The following GNG12 variants were observed in gnomAD, a reference collection of about 807,000 sequenced individuals.
GNG12 encodes G protein subunit gamma 12, also known as guanine nucleotide-binding protein G(I)/G(S)/G(O) subunit gamma-12.
For missense variants in GNG12, 69 were observed against 83.8 expected (o/e 0.82, Z 0.69); for synonymous variants, 28 against 29.7 (o/e 0.94, Z 0.19).
intron 2 of GNG12, among the ~76,000 whole-genome samples, chr1:67,764,882 A>G (rs971820681): frequency 6.6e-6 from 1 of 152,224 alleles, no homozygotes; most frequent in African/African-American, 2.4e-5. Flanking sequence ...TCAAGTAGCA[A>G]GAACACAGAG....
intron 2 of GNG12, among the ~76,000 whole-genome samples, chr1:67,713,280 C>T (rs972270908): frequency 6.6e-6 from 1 of 152,236 alleles, no homozygotes; most frequent in Non-Finnish European, 1.5e-5. Context: ...CTGGCTATCA[C>T]TTCTGCAGCC....
At chr1:67,787,716 A>C (rs1009245231) in intron 1 of GNG12, among the ~76,000 whole-genome samples, 4 of 152,198 alleles carry the variant, frequency 2.6e-5, no homozygotes, top group African/African-American at 9.6e-5. Flanking sequence ...ACCCAACCCA[A>C]CAGAAAGGAA....
chr1:67,788,529 T>TA (rs1394922107), intron 1 of GNG12, among the ~76,000 whole-genome samples: 1 of 151,618 alleles, frequency 6.6e-6, no homozygotes, highest in Non-Finnish European at 1.5e-5. Flanking sequence ...TTTAAGGAGA[T>TA]AGTGTCTTGC....
rs1646503887 is a variant in GNG12 at position 67,745,738 on chromosome 1, G to A, written c.-27+31720C>T. ...AAGTATTTGTGGTTTCCAAGTCAGTGTAAAAATCTAAAAAATAAATAAATA... is the reference window on the plus strand; with the variant it reads ...AAGTATTTGTGGTTTCCAAGTCAGTATAAAAATCTAAAAAATAAATAAATA... On this transcript the variant is annotated intron_variant, in intron 2 of 3. Coordinates refer to ENST00000370982, the MANE Select transcript of GNG12 (RefSeq NM_018841.6). Among the ~76,000 whole-genome samples the A allele has an allele frequency of 2.0e-5, 3 of 152,136 alleles. No individual in the cohort carries two copies. The South Asian group carries it at 6.2e-4, about 32-fold the overall frequency.
chr1:67,775,025 T>C (rs1202074778), intron 2 of GNG12, among the ~76,000 whole-genome samples: 1 of 152,230 alleles, frequency 6.6e-6, no homozygotes, highest in African/African-American at 2.4e-5. Context: ...GTTGCTGTTA[T>C]TGTTAATCCC....
intron 1 of GNG12, among the ~76,000 whole-genome samples, chr1:67,780,102 C>T (rs1390870828): frequency 3.3e-5 from 5 of 152,172 alleles, no homozygotes; most frequent in East Asian, 1.9e-4. Flanking sequence ...TTTCATTATG[C>T]GCATATGACT....
chr1:67,827,053 G>C (rs1001207035), intron 1 of GNG12, among the ~76,000 whole-genome samples: 1 of 152,222 alleles, frequency 6.6e-6, no homozygotes, highest in Non-Finnish European at 1.5e-5. Flanking sequence ...AAGCCATTCT[G>C]AATCAAGACA....
chr1:67,800,751 T>C (rs535343570), intron 1 of GNG12, among the ~76,000 whole-genome samples: 6 of 152,296 alleles, frequency 3.9e-5, no homozygotes, highest in Admixed American at 6.5e-5. Context: ...AGCAGTTTTA[T>C]CCACCTCTGT....
intron 2 of GNG12, among the ~76,000 whole-genome samples, chr1:67,762,072 G>A (rs1185506424): frequency 6.6e-6 from 1 of 152,112 alleles, no homozygotes; most frequent in Non-Finnish European, 1.5e-5. Flanking sequence ...TAGATATGCT[G>A]CAATGTTTAG....
intron 1 of GNG12, among the ~76,000 whole-genome samples, chr1:67,805,710 A>G (rs1646891025): frequency 6.6e-6 from 1 of 152,138 alleles, no homozygotes. Flanking sequence ...CTAGAAAAAT[A>G]AGGACAGAAG....
intron 1 of GNG12, among the ~76,000 whole-genome samples, chr1:67,792,801 T>C (rs556683760): frequency 1.5e-4 from 23 of 152,304 alleles, no homozygotes; most frequent in African/African-American, 5.3e-4. Flanking sequence ...AGACAACTCC[T>C]TGGAAGAGAC....
intron 2 of GNG12, among the ~76,000 whole-genome samples, chr1:67,742,211 A>G (rs1646486596): frequency 6.6e-6 from 1 of 152,192 alleles, no homozygotes; most frequent in Non-Finnish European, 1.5e-5. Flanking sequence ...CATTCACAAA[A>G]AGACTCATCC....
At chr1:67,800,516 A>C (rs1291607751) in intron 1 of GNG12, among the ~76,000 whole-genome samples, 3 of 152,236 alleles carry the variant, frequency 2.0e-5, no homozygotes, top group East Asian at 1.9e-4. Context: ...TGGCAGGTTC[A>C]ACTTGCAATT....
intron 2 of GNG12, among the ~76,000 whole-genome samples, chr1:67,755,409 T>C (rs1646562314): frequency 1.3e-5 from 2 of 152,244 alleles, no homozygotes; most frequent in African/African-American, 4.8e-5. Flanking sequence ...TCTTGTTTCT[T>C]GTTTTAGACT....
chr1:67,733,964 T>C (rs7553290), intron 2 of GNG12, among the ~76,000 whole-genome samples: 3,628 of 152,232 alleles, frequency 0.024, 154 homozygotes, highest in African/African-American at 0.084. Context: ...GAGTGTGCAA[T>C]GCTTGAAGAT....
intron 1 of GNG12, among the ~76,000 whole-genome samples, chr1:67,812,657 A>T (rs1175764817): frequency 1.3e-5 from 2 of 152,240 alleles, no homozygotes; most frequent in African/African-American, 2.4e-5. Flanking sequence ...AGAATGAGGT[A>T]GGAGATAAGG....
intron 2 of GNG12, among the ~76,000 whole-genome samples, chr1:67,729,006 C>T (rs1646403528): frequency 6.6e-6 from 1 of 152,194 alleles, no homozygotes; most frequent in Admixed American, 6.5e-5. Context: ...TGCTGAAGAA[C>T]TCTTTGAACA....
chr1:67,704,770 C>T lies in GNG12; in HGVS notation c.*681G>A, dbSNP rs1427415550. On this transcript the variant is annotated 3_prime_UTR_variant, in exon 4 of 4. Transcript: ENST00000370982. ...TAGCCTAAGAGGTCCAGCAAGATTTCAAGAGAGGAGAGATGATTGCATTAC... is the reference window on the plus strand; with the variant it reads ...TAGCCTAAGAGGTCCAGCAAGATTTTAAGAGAGGAGAGATGATTGCATTAC... The T allele has an allele frequency of 6.6e-6, 1 of 152,602 alleles. No individual in the cohort carries two copies. The highest frequency in any genetic ancestry group is 1.5e-5 in the Non-Finnish European group (1 of 68,030). 9.5% of individuals were successfully genotyped at this position (152,602 alleles called of 1,614,324 possible). A position where few individuals can be genotyped will look rare whatever the true frequency, so the allele number is the denominator to read the frequency against.
intron 2 of GNG12, among the ~76,000 whole-genome samples, chr1:67,722,156 G>A (rs1158366726): frequency 6.6e-6 from 1 of 152,106 alleles, no homozygotes; most frequent in Non-Finnish European, 1.5e-5. Context: ...CCAAACACCT[G>A]ATGGGAGGGT....
Sources: allele counts gnomAD v4.1 joint callset (sites outside exome capture counted in the v4.1 genomes callset), GRCh38; gene constraint gnomAD v4.1.1; transcripts MANE v1.5; gene names NCBI Gene and HGNC (gene_info 2026-07-23, HGNC 2026-07-21).